Variants in DOCK5 observed in about 807,000 individuals in gnomAD.
DOCK5 encodes dedicator of cytokinesis 5, also known as dedicator of cytokinesis protein 5.
Under a neutral mutation model 251.8 loss-of-function variants are expected in DOCK5, and 142 were observed. That is an observed-to-expected ratio of 0.56 (90% CI 0.49 to 0.65). The LOEUF (loss-of-function observed/expected upper bound fraction) is 0.65. Ranked by LOEUF, DOCK5 falls within the 30% of genes least tolerant of loss-of-function variation. DOCK5 has a pLI of 0.00. For synonymous variants in DOCK5, 842 were observed against 835.5 expected, an observed-to-expected ratio of 1.01 and a Z score of -0.13; for missense variants, 2,111 against 2,312.3, an observed-to-expected ratio of 0.91 and a Z score of 1.79.
intron 1 of DOCK5, among the ~76,000 whole-genome samples, chr8:25,219,660 A>G (rs528002789): frequency 1.3e-5 from 2 of 151,164 alleles, no homozygotes; most frequent in East Asian, 3.9e-4. Context: ...GTGTTTTCCC[A>G]TGGGAATAAT....
In DOCK5 at chr8:25,395,692, C is replaced by T; in HGVS notation, c.4677C>T (p.Val1559=). ...TCAGTGGCATCGTGGACCCGGCCGT[C>T]ATGGGGGGCTTCTCCAACTATGAAA... ...MLLSGIVDPA[V]MGGFSNYEKA... Residue 1559 remains valine (V), a synonymous_variant, in exon 45 of 52, where the codon GTC becomes GTT. Coordinates refer to ENST00000276440, the MANE Select transcript of DOCK5 (RefSeq NM_024940.8). The T allele has an allele frequency of 6.2e-7, 1 of 1,613,824 alleles. No homozygotes were observed. The highest frequency in any genetic ancestry group is 8.5e-7 in the Non-Finnish European group (1 of 1,179,832).
intron 1 of DOCK5, among the ~76,000 whole-genome samples, chr8:25,196,784 A>G (rs1133945): frequency 0.14 from 21,791 of 152,208 alleles, 2,536 homozygotes; most frequent in African/African-American, 0.33. Flanking sequence ...AATGCAATGC[A>G]TATAAAAGAT....
intron 39 of DOCK5, among the ~76,000 whole-genome samples, chr8:25,381,646 C>T (rs1471341095): frequency 6.6e-6 from 1 of 151,720 alleles, no homozygotes; most frequent in Non-Finnish European, 1.5e-5. Flanking sequence ...AAAAAAATTT[C>T]ATCAACTGAA....
intron 2 of DOCK5, among the ~76,000 whole-genome samples, chr8:25,253,091 T>C (rs1803315770): frequency 6.6e-6 from 1 of 152,230 alleles, no homozygotes; most frequent in Non-Finnish European, 1.5e-5. Flanking sequence ...CCCAAAGTGC[T>C]GGGATTGCAG....
At chr8:25,349,341 A>G (rs1003521664) in intron 26 of DOCK5, among the ~76,000 whole-genome samples, 1 of 152,238 alleles carries the variant, frequency 6.6e-6, no homozygotes, top group African/African-American at 2.4e-5. Flanking sequence ...AATGCAAATT[A>G]TTAGTATGAC....
chr8:25,387,749 C>G (rs887994952), intron 40 of DOCK5, among the ~76,000 whole-genome samples: 3 of 152,222 alleles, frequency 2.0e-5, no homozygotes, highest in Admixed American at 6.5e-5. Flanking sequence ...GGGCCTGACT[C>G]TTTCCACATA....
intron 7 of DOCK5, among the ~76,000 whole-genome samples, chr8:25,297,742 T>C (rs567773591): frequency 2.6e-5 from 4 of 152,114 alleles, no homozygotes; most frequent in East Asian, 3.9e-4. Context: ...AAGGTAATAA[T>C]TGGACATTAA....
chr8:25,315,210 A>G (rs1805211954), intron 13 of DOCK5, among the ~76,000 whole-genome samples: 1 of 149,836 alleles, frequency 6.7e-6, no homozygotes, highest in Non-Finnish European at 1.5e-5. Context: ...CTCACACCAG[A>G]CACCCCCTCA....
Position 25,227,451 on chromosome 8 carries a change from A to G in DOCK5, c.44-16223A>G, listed in dbSNP as rs912887841. Among the ~76,000 whole-genome samples the G allele has an allele frequency of 2.0e-5, 3 of 151,922 alleles. No homozygotes were observed. The East Asian group carries it at 5.8e-4, about 29-fold the overall frequency. Reference sequence around the variant, plus strand: ...TCCTGCTAAATTAAAATACATAATTATATGCATTTTGGATATTTTCTTATT... The same window carrying G: ...TCCTGCTAAATTAAAATACATAATTGTATGCATTTTGGATATTTTCTTATT... On this transcript the variant is annotated intron_variant, in intron 1 of 51. Transcript: ENST00000276440.
At chr8:25,239,382 C>T (rs1802887617) in intron 1 of DOCK5, among the ~76,000 whole-genome samples, 1 of 139,358 alleles carries the variant, frequency 7.2e-6, no homozygotes, top group Non-Finnish European at 1.5e-5. Context: ...TCCAGCAGTC[C>T]TTGGTAGGTG....
At chr8:25,338,768 C>T (rs1267033798) in intron 22 of DOCK5, among the ~76,000 whole-genome samples, 1 of 152,178 alleles carries the variant, frequency 6.6e-6, no homozygotes, top group African/African-American at 2.4e-5. Context: ...GTATAGTAAA[C>T]CCTGATGTCC....
intron 1 of DOCK5, among the ~76,000 whole-genome samples, chr8:25,201,936 A>G (rs755944684): frequency 2.0e-5 from 3 of 152,154 alleles, no homozygotes; most frequent in East Asian, 3.9e-4. Context: ...AGATTTGAGT[A>G]TATTTTTGAT....
In DOCK5 at chr8:25,362,913, C is replaced by G. The variant is rs1021788636; in HGVS notation, c.2950-134C>G. 7.6e-6 allele frequency: 5 copies of G among 661,916 alleles called. No individual in the cohort carries two copies. In the African/African-American group the frequency reaches 9.0e-5, roughly 12 times the overall value. 41.0% of individuals were successfully genotyped at this position (661,916 alleles called of 1,614,324 possible). A position where few individuals can be genotyped will look rare whatever the true frequency, so the allele number is the denominator to read the frequency against. ...AAGAATGCTTTGTTATTCCTAAAAC[C>G]CTTGAAAGATGGGCTGTTACTGTGG... On this transcript the variant is annotated intron_variant, in intron 28 of 51. Transcript: ENST00000276440.
chr8:25,398,203 A>G (rs1033367549), intron 45 of DOCK5, among the ~76,000 whole-genome samples: 1 of 152,172 alleles, frequency 6.6e-6, no homozygotes, highest in African/African-American at 2.4e-5. Flanking sequence ...GGGAATTTCC[A>G]TGTGTCCTAC....
chr8:25,224,285 A>G (rs1003040948), intron 1 of DOCK5, among the ~76,000 whole-genome samples: 2 of 152,012 alleles, frequency 1.3e-5, no homozygotes, highest in African/African-American at 4.8e-5. Flanking sequence ...CACTCAGCTA[A>G]TTTATATATT....
At chr8:25,292,834 G>A (rs918415609) in intron 6 of DOCK5, among the ~76,000 whole-genome samples, 1 of 152,146 alleles carries the variant, frequency 6.6e-6, no homozygotes, top group African/African-American at 2.4e-5. Flanking sequence ...TTCTAACAGT[G>A]GATTCCAAAT....
chr8:25,282,458 C>T (rs1804219528), intron 5 of DOCK5, among the ~76,000 whole-genome samples: 1 of 152,146 alleles, frequency 6.6e-6, no homozygotes, highest in South Asian at 2.1e-4. Flanking sequence ...TCCTTCAGTC[C>T]ATGTAAAGAT....
At chr8:25,390,954 A>G (rs1264877844) in intron 42 of DOCK5, among the ~76,000 whole-genome samples, 4 of 152,024 alleles carry the variant, frequency 2.6e-5, no homozygotes, top group Non-Finnish European at 5.9e-5. Flanking sequence ...GATTACAGGT[A>G]CACGCCGCCA....
rs1418407240 is a variant in DOCK5, at chr8:25,395,494, A to T, written c.4528-49A>T. 6.4e-7 allele frequency: 1 copy of T among 1,567,962 alleles called. No individual in the cohort carries two copies. The highest frequency in any genetic ancestry group is 1.2e-5 in the South Asian group (1 of 83,764). On this transcript the variant is annotated intron_variant, in intron 44 of 51. Transcript: ENST00000276440. Reference sequence around the variant, plus strand: ...AAGAGTTAAACTTTTTTCAGTCTTTACTTGGAGCTGACAAGTGTCCTCTTT... The same window carrying T: ...AAGAGTTAAACTTTTTTCAGTCTTTTCTTGGAGCTGACAAGTGTCCTCTTT...
Sources: allele counts gnomAD v4.1 joint callset (sites outside exome capture counted in the v4.1 genomes callset), GRCh38; gene constraint gnomAD v4.1.1; transcripts MANE v1.5; gene names NCBI Gene and HGNC (gene_info 2026-07-23, HGNC 2026-07-21).